Variants in UST observed in about 807,000 individuals in gnomAD.
The protein encoded by UST is chondroitin sulfate 2-O-sulfotransferase.
A neutral mutation model predicts 45.6 loss-of-function variants in UST; 21 were observed. That is an observed-to-expected ratio of 0.46 (90% CI 0.33 to 0.66). The LOEUF (loss-of-function observed/expected upper bound fraction) is 0.66, where lower values mean the gene tolerates loss of function less well. Among genes scored for constraint, UST ranks in the 30% least tolerant of loss-of-function variants. UST has a pLI of 0.02. For synonymous variants in UST, 215 were observed against 200.6 expected, an observed-to-expected ratio of 1.07 and a Z score of -0.61; for missense variants, 463 against 512.4, an observed-to-expected ratio of 0.90 and a Z score of 0.93.
At chr6:148,871,672 G>A (rs1302399255) in intron 1 of UST, among the ~76,000 whole-genome samples, 1 of 152,256 alleles carries the variant, frequency 6.6e-6, no homozygotes, top group Non-Finnish European at 1.5e-5. Flanking sequence ...GACACTTGGA[G>A]TATTGCTTGT....
chr6:148,936,533 C>G (rs1488259196), intron 2 of UST, among the ~76,000 whole-genome samples: 1 of 148,972 alleles, frequency 6.7e-6, no homozygotes, highest in East Asian at 2.0e-4. Context: ...TGTCACAGAA[C>G]CTAGGACAGG....
At chr6:148,780,119 G>GTC (rs1554215407) in intron 1 of UST, among the ~76,000 whole-genome samples, 3 of 140,262 alleles carry the variant, frequency 2.1e-5, no homozygotes, top group Non-Finnish European at 4.8e-5. Context: ...ACATGTGTGT[G>GTC]TATATATATA....
At chr6:148,938,789 T>C (rs1485002486) in intron 2 of UST, among the ~76,000 whole-genome samples, 1 of 151,012 alleles carries the variant, frequency 6.6e-6, no homozygotes, top group Non-Finnish European at 1.5e-5. Flanking sequence ...ATAGTATAAA[T>C]AGTATATAAT....
intron 1 of UST, among the ~76,000 whole-genome samples, chr6:148,751,402 G>A (rs944216422): frequency 1.3e-5 from 2 of 152,172 alleles, no homozygotes; most frequent in Non-Finnish European, 2.9e-5. Context: ...GTAGGCTGAC[G>A]TGGGGCAACC....
At chr6:148,801,487 T>A (rs1732085343) in intron 1 of UST, among the ~76,000 whole-genome samples, 1 of 152,190 alleles carries the variant, frequency 6.6e-6, no homozygotes, top group African/African-American at 2.4e-5. Context: ...AGGATTTTTC[T>A]TTTTTCTTTC....
chr6:148,922,888 G>A (rs1779740326), intron 2 of UST, among the ~76,000 whole-genome samples: 1 of 152,184 alleles, frequency 6.6e-6, no homozygotes, highest in Admixed American at 6.5e-5. Context: ...CACCTCCCAG[G>A]TTCAAGCAGT....
intron 1 of UST, among the ~76,000 whole-genome samples, chr6:148,872,174 C>T (rs914921153): frequency 1.3e-5 from 2 of 152,108 alleles, no homozygotes; most frequent in Non-Finnish European, 2.9e-5. Flanking sequence ...AAAGACAACA[C>T]TCTTATCTGT....
intron 1 of UST, among the ~76,000 whole-genome samples, chr6:148,880,839 C>T (rs1351813039): frequency 4.6e-5 from 7 of 151,994 alleles, no homozygotes; most frequent in Non-Finnish European, 1.0e-4. Context: ...ACCATCCTGG[C>T]TAACATGGTG....
intron 5 of UST, among the ~76,000 whole-genome samples, chr6:148,977,474 G>A (rs369768608): frequency 7.9e-5 from 12 of 151,924 alleles, no homozygotes; most frequent in African/African-American, 2.4e-4. Context: ...GTTCAGGGTC[G>A]GGCGTGGTGG....
rs548837980 is a variant in UST at position 148,861,483 on chromosome 6, G to A, written c.248-25503G>A. ...TCATTGATTTTTTTAAGGTTTTTTT[G>A]TGTCTCTGTCTCCTTCGGTTCTGTT... On this transcript the variant is annotated intron_variant, in intron 1 of 7. Coordinates refer to ENST00000367463, the MANE Select transcript of UST (RefSeq NM_005715.3). 1.5e-3 allele frequency among the ~76,000 whole-genome samples: 234 copies of A among 152,008 alleles called. 2 individuals are homozygous for A. The highest frequency in any genetic ancestry group is 5.4e-3 in the African/African-American group (225 of 41,466).
At chr6:148,906,144 C>T (rs1039141310) in intron 2 of UST, among the ~76,000 whole-genome samples, 4 of 148,474 alleles carry the variant, frequency 2.7e-5, no homozygotes, top group Non-Finnish European at 5.9e-5. Flanking sequence ...TGCTGTAGGA[C>T]GTGAAGCATC....
At position 148,777,164 on chromosome 6, in the gene UST, A is replaced by T. The variant is rs140392859; in HGVS notation, c.247+29487A>T. Among the ~76,000 whole-genome samples the T allele has an allele frequency of 9.3e-4, 142 of 152,220 alleles. 1 individual carries two copies. The highest frequency in any genetic ancestry group is 3.3e-3 in the African/African-American group (137 of 41,522). ...CCTGGTGTGCCGGCTCACTTACCGC[A>T]CTTAAAACCGACTGCTCTTAATGAA... On this transcript the variant is annotated intron_variant, in intron 1 of 7. Coordinates refer to ENST00000367463, the MANE Select transcript of UST (RefSeq NM_005715.3).
chr6:148,815,960 T>C (rs1777346455), intron 1 of UST, among the ~76,000 whole-genome samples: 1 of 152,230 alleles, frequency 6.6e-6, no homozygotes, highest in South Asian at 2.1e-4. Context: ...TATCTTCCTG[T>C]CTGGGACATT....
intron 1 of UST, among the ~76,000 whole-genome samples, chr6:148,789,739 A>G (rs1439851944): frequency 6.6e-6 from 1 of 151,858 alleles, no homozygotes; most frequent in Non-Finnish European, 1.5e-5. Context: ...CTGGAATTAC[A>G]GGTGCCCACC....
chr6:148,912,891 A>G (rs987796268), intron 2 of UST, among the ~76,000 whole-genome samples: 2 of 152,198 alleles, frequency 1.3e-5, no homozygotes, highest in Non-Finnish European at 2.9e-5. Context: ...CTCAGTTGTT[A>G]TTTGAAGGAT....
chr6:148,992,321 G>A (rs1036331279), intron 5 of UST, among the ~76,000 whole-genome samples: 1 of 152,050 alleles, frequency 6.6e-6, no homozygotes, highest in Non-Finnish European at 1.5e-5. Context: ...TGGCCAACAC[G>A]GTGAAACCCC....
intron 1 of UST, among the ~76,000 whole-genome samples, chr6:148,798,635 C>T (rs1776995586): frequency 6.6e-6 from 1 of 152,100 alleles, no homozygotes; most frequent in South Asian, 2.1e-4. Flanking sequence ...CAAAAGGACA[C>T]AGATGCTGGA....
At chr6:148,784,434 A>G (rs1403401650) in intron 1 of UST, among the ~76,000 whole-genome samples, 1 of 152,190 alleles carries the variant, frequency 6.6e-6, no homozygotes, top group African/African-American at 2.4e-5. Context: ...TAACCAACAC[A>G]CCATCTCAAA....
chr6:148,899,332 C>T (rs910588447), intron 2 of UST, among the ~76,000 whole-genome samples: 1 of 152,170 alleles, frequency 6.6e-6, no homozygotes, highest in African/African-American at 2.4e-5. Flanking sequence ...ATCTCCTGAC[C>T]TCATGATCTG....
Sources: allele counts gnomAD v4.1 joint callset (sites outside exome capture counted in the v4.1 genomes callset), GRCh38; gene constraint gnomAD v4.1.1; transcripts MANE v1.5; gene names NCBI Gene and HGNC (gene_info 2026-07-23, HGNC 2026-07-21).